The following RALGAPA1 variants were observed in gnomAD, a reference collection of about 807,000 sequenced individuals.
The protein encoded by RALGAPA1 is ral GTPase-activating protein subunit alpha-1.
A neutral mutation model predicts 269.6 loss-of-function variants in RALGAPA1; 52 were observed. The ratio of observed to expected loss-of-function variants is 0.19; its 90% CI spans 0.15 to 0.24. The LOEUF (loss-of-function observed/expected upper bound fraction) is 0.24. Among genes scored for constraint, RALGAPA1 ranks in the 10% least tolerant of loss-of-function variants. RALGAPA1 has a pLI of 1.00. For synonymous variants in RALGAPA1, 817 were observed against 1,008.3 expected, an observed-to-expected ratio of 0.81 and a Z score of 3.60; for missense variants, 1,917 against 3,013.9, an observed-to-expected ratio of 0.64 and a Z score of 8.52.
intron 1 of RALGAPA1, among the ~76,000 whole-genome samples, chr14:35,792,073 T>C (rs1165534023): frequency 6.6e-6 from 1 of 152,114 alleles, no homozygotes; most frequent in East Asian, 1.9e-4. Context: ...AGATAACAGA[T>C]TGCCTTAAAT....
At chr14:35,545,809 A>G (rs1468891804) in intron 41 of RALGAPA1, among the ~76,000 whole-genome samples, 1 of 152,124 alleles carries the variant, frequency 6.6e-6, no homozygotes, top group East Asian at 1.9e-4. Context: ...AAAAGACAAT[A>G]TAACATTGGG....
chr14:35,595,486 C>G (rs1254934451), intron 37 of RALGAPA1, 148 bp downstream of exon 37: 1 of 679,718 alleles, frequency 1.5e-6, no homozygotes, highest in Non-Finnish European at 2.6e-6. Flanking sequence ...TGCTGTACAA[C>G]CACCCTATTT....
intron 36 of RALGAPA1, 71 bp downstream of exon 36, chr14:35,605,515 A>C: frequency 6.9e-7 from 1 of 1,441,056 alleles, no homozygotes; most frequent in Admixed American, 2.3e-5. Flanking sequence ...TTCTATAATA[A>C]GCTAGGAAAA....
intron 1 of RALGAPA1, among the ~76,000 whole-genome samples, chr14:35,806,956 C>G (rs1427650352): frequency 6.6e-6 from 1 of 152,082 alleles, no homozygotes. Context: ...GTTTTCAAAC[C>G]AAGCAAGCTA....
chr14:35,788,744 C>A (rs1032040309), intron 1 of RALGAPA1, among the ~76,000 whole-genome samples: 1 of 152,106 alleles, frequency 6.6e-6, no homozygotes, highest in Admixed American at 6.6e-5. Flanking sequence ...CAGTTAAAGT[C>A]CTGTTTTATA....
intron 30 of RALGAPA1, among the ~76,000 whole-genome samples, chr14:35,652,373 T>TAC (rs2062889445): frequency 2.0e-5 from 3 of 151,628 alleles, no homozygotes; most frequent in Non-Finnish European, 4.4e-5. Context: ...TTTATATATA[T>TAC]ATATATATAT....
At chr14:35,640,961 CAAAA>C (rs1302486330) in intron 31 of RALGAPA1, among the ~76,000 whole-genome samples, 2 of 151,968 alleles carry the variant, frequency 1.3e-5, no homozygotes, top group Non-Finnish European at 2.9e-5. Context: ...TTTTTGTCAA[CAAAA>C]TAAAGGACAA....
At chr14:35,716,654 C>A (rs2068856495) in intron 16 of RALGAPA1, among the ~76,000 whole-genome samples, 1 of 152,040 alleles carries the variant, frequency 6.6e-6, no homozygotes, top group Non-Finnish European at 1.5e-5. Flanking sequence ...GTTTTTCAAA[C>A]CAGGATTCCA....
intron 16 of RALGAPA1, among the ~76,000 whole-genome samples, chr14:35,714,881 A>T (rs2068676878): frequency 6.6e-6 from 1 of 152,052 alleles, no homozygotes; most frequent in Non-Finnish European, 1.5e-5. Context: ...AATGATAGTT[A>T]TTTTTCCTTA....
intron 35 of RALGAPA1, among the ~76,000 whole-genome samples, chr14:35,610,957 A>G (rs1421070321): frequency 6.6e-6 from 1 of 152,148 alleles, no homozygotes; most frequent in Admixed American, 6.6e-5. Context: ...AAAATTATAA[A>G]ACATTGTTGA....
intron 16 of RALGAPA1, among the ~76,000 whole-genome samples, chr14:35,709,435 T>C (rs74713604): frequency 0.041 from 6,185 of 152,190 alleles, 362 homozygotes; most frequent in African/African-American, 0.12. Flanking sequence ...CTGGTATTAA[T>C]AATTGATATC....
chr14:35,738,182 G>A (rs565098760), intron 12 of RALGAPA1, among the ~76,000 whole-genome samples: 2 of 151,870 alleles, frequency 1.3e-5, no homozygotes, highest in East Asian at 3.9e-4. Flanking sequence ...AGTCAAATGT[G>A]AAATAAAGTA....
At chr14:35,793,287 G>A (rs2076325162) in intron 1 of RALGAPA1, among the ~76,000 whole-genome samples, 1 of 150,654 alleles carries the variant, frequency 6.6e-6, no homozygotes, top group Non-Finnish European at 1.5e-5. Context: ...GTCCAGGCTG[G>A]AGTGCAATGG....
At chr14:35,735,351 CAT>C (rs2070881873) in intron 12 of RALGAPA1, among the ~76,000 whole-genome samples, 1 of 152,070 alleles carries the variant, frequency 6.6e-6, no homozygotes, top group South Asian at 2.1e-4. Context: ...AACTGTGGTA[CAT>C]ATAGACAATG....
At chr14:35,748,286 AATT>A (rs1234617254) in intron 10 of RALGAPA1, 1 of 179,304 alleles carries the variant, frequency 5.6e-6, no homozygotes, top group Non-Finnish European at 1.2e-5. Flanking sequence ...TTAAACTAAG[AATT>A]ACTACTAAGA....
chr14:35,640,794 C>A, intron 31 of RALGAPA1, among the ~76,000 whole-genome samples: 1 of 152,060 alleles, frequency 6.6e-6, no homozygotes, highest in Non-Finnish European at 1.5e-5. Flanking sequence ...AACTACAGGC[C>A]AATATTCCTG....
rs1356845753 is a variant in RALGAPA1, at chr14:35,588,454, A to G, written c.7209+7180T>C. On this transcript the variant is annotated intron_variant, in intron 37 of 41. Transcript: ENST00000680220. ...AATACAGTGAAGTAAAAATATCCTGACATAGTTTTCTTTAACAAAAAAGTC... is the reference window on the plus strand; with the variant it reads ...AATACAGTGAAGTAAAAATATCCTGGCATAGTTTTCTTTAACAAAAAAGTC... Among the ~76,000 whole-genome samples the G allele has an allele frequency of 2.0e-5, 3 of 152,206 alleles. No homozygotes were observed. The East Asian group carries it at 5.8e-4, about 29-fold the overall frequency.
chr14:35,654,689 T>G (rs2063060537), intron 29 of RALGAPA1, among the ~76,000 whole-genome samples: 1 of 152,354 alleles, frequency 6.6e-6, no homozygotes, highest in South Asian at 2.1e-4. Flanking sequence ...AATGTTTGAC[T>G]GTCCTCATTA....
chr14:35,690,549 G>A (rs2066390729), intron 17 of RALGAPA1, among the ~76,000 whole-genome samples: 1 of 152,072 alleles, frequency 6.6e-6, no homozygotes, highest in Non-Finnish European at 1.5e-5. Flanking sequence ...CTCTTTGTCA[G>A]GAAACTGTTC....
Sources: gnomAD v4.1 joint callset for allele counts (sites outside exome capture counted in the v4.1 genomes callset) on GRCh38, gnomAD v4.1.1 for gene constraint, MANE v1.5 for transcripts, NCBI Gene and HGNC (gene_info 2026-07-23, HGNC 2026-07-21) for gene names.